Variants in ZNF19 observed in about 807,000 individuals in gnomAD.
The protein encoded by ZNF19 is zinc finger protein 19.
In ZNF19, 11 loss-of-function variants were observed where a neutral mutation model predicts 13.1. The observed-to-expected ratio is 0.84, with a 90% CI of 0.53 to 1.39. The LOEUF (loss-of-function observed/expected upper bound fraction) is 1.39. Among genes scored for constraint, ZNF19 ranks in the 40% most tolerant of loss-of-function variants. ZNF19 has a pLI of 0.00. For synonymous variants in ZNF19, 186 were observed against 187.0 expected (o/e 0.99, Z 0.04); for missense variants, 560 against 547.0 (o/e 1.02, Z -0.24).
chr16:71,483,344 T>A (rs550596206), intron 2 of ZNF19, among the ~76,000 whole-genome samples: 3 of 152,234 alleles, frequency 2.0e-5, no homozygotes, highest in African/African-American at 7.2e-5. Context: ...AAAGCCAGCA[T>A]CTTCCCTACA....
Position 71,475,393 on chromosome 16 carries a change from T to C in ZNF19, c.1154A>G (p.Tyr385Cys), listed in dbSNP as rs778804520. Residue 385 changes from tyrosine to cysteine, a missense_variant, in exon 6 of 6, where the codon TAT (tyrosine) becomes TGT (cysteine). Tyr to Cys is a radical substitution (Grantham distance 194). Transcript: ENST00000288177. The part of the protein sequence containing the change: ...HLRIHTQESS[Y>C]VCDECGKALT... ...GGCTTTTCCACACTCATCACATACA[T>C]AGGAAGACTCCTGAGTATGAATTCT... is the stretch of plus-strand genomic sequence containing the variant. 6.2e-6 allele frequency: 10 copies of C among 1,613,916 alleles called. No individual in the cohort carries two copies. Among genetic ancestry groups the C allele is most frequent in the African/African-American group, 1.3e-5 (1 of 74,862 alleles).
At position 71,474,166 on chromosome 16, in the gene ZNF19, T is replaced by C. The variant is rs2043584715; in HGVS notation, c.*1004A>G. 6.6e-6 allele frequency: 1 copy of C among 152,216 alleles called. No homozygotes were observed. Among genetic ancestry groups the C allele is most frequent in the African/African-American group, 2.4e-5 (1 of 41,464 alleles). 9.4% of individuals were successfully genotyped at this position (152,216 alleles called of 1,614,324 possible). Reference sequence around the variant, plus strand: ...CACCAAAGAAAAGGGCCAGCCCTGTTTTCCTACTGAGAGATCTCTGCAGTG... The same window carrying C: ...CACCAAAGAAAAGGGCCAGCCCTGTCTTCCTACTGAGAGATCTCTGCAGTG... On this transcript the variant is annotated 3_prime_UTR_variant, in exon 6 of 6. Transcript: ENST00000288177.
At position 71,475,456 on chromosome 16, in the gene ZNF19, T is replaced by C. The variant is rs200992094; in HGVS notation, c.1091A>G (p.Lys364Arg). ...EKPFDCVDCGKAFSAQEQLKR... is the reference protein window; with the variant it reads ...EKPFDCVDCGRAFSAQEQLKR... Reference sequence around the variant, plus strand: ...TAATTGTTCCTGAGCACTGAAGGCTTTTCCACAATCTACACAGTCAAAGGG... The same window carrying C: ...TAATTGTTCCTGAGCACTGAAGGCTCTTCCACAATCTACACAGTCAAAGGG... The change falls in exon 6 of 6, where the codon AAA (lysine) becomes AGA (arginine). Residue 364 changes from lysine to arginine, a missense_variant. Coordinates refer to ENST00000288177, the MANE Select transcript of ZNF19 (RefSeq NM_006961.4). The C allele has an allele frequency of 1.9e-6, 3 of 1,612,366 alleles. No individual in the cohort carries two copies. The East Asian group carries it at 6.7e-5, about 36-fold the overall frequency.
chr16:71,475,383 A>T lies in ZNF19; in HGVS notation c.1164T>A (p.Asp388Glu), dbSNP rs764518915. Residue 388 changes from aspartate (D) to glutamate (E), a missense_variant, in exon 6 of 6, where the codon GAT becomes GAA. Asp to Glu is a conservative substitution (Grantham distance 45). Coordinates refer to ENST00000288177, the MANE Select transcript of ZNF19 (RefSeq NM_006961.4). ...TGCTAGTCAAGGCTTTTCCACACTC[A>T]TCACATACATAGGAAGACTCCTGAG... ...IHTQESSYVC[D>E]ECGKALTSKR... The T allele has an allele frequency of 2.9e-5, 47 of 1,613,848 alleles. No individual in the cohort carries two copies. Among genetic ancestry groups the T allele is most frequent in the Non-Finnish European group, 8.5e-7 (1 of 1,180,000 alleles).
Position 71,484,734 on chromosome 16 carries a change from G to T in ZNF19, c.-175C>A, listed in dbSNP as rs1476790624. On this transcript the variant is annotated 5_prime_UTR_variant, in exon 2 of 6. Transcript: ENST00000288177. ...TACTCCCGGGAGGAGTTTCCACCCG[G>T]GGATCCTCAGAGACCTTGAATAGGA... is the stretch of plus-strand genomic sequence containing the variant. The T allele has an allele frequency of 1.0e-6, 1 of 985,294 alleles. No individual in the cohort carries two copies. The highest frequency in any genetic ancestry group is 1.1e-4 in the East Asian group (1 of 8,826). The allele number at this position is 985,294 out of a possible 1,614,324, so 61.0% of individuals were successfully genotyped here.
intron 2 of ZNF19, among the ~76,000 whole-genome samples, chr16:71,484,325 G>C (rs2145172264): frequency 6.6e-6 from 1 of 152,358 alleles, no homozygotes; most frequent in East Asian, 1.9e-4. Flanking sequence ...TGGGGTTTGG[G>C]CGGCGTCGAG....
Position 71,481,820 on chromosome 16 carries a change from G to A in ZNF19, c.33+262C>T, listed in dbSNP as rs940677280. On this transcript the variant is annotated intron_variant, in intron 3 of 5. Coordinates refer to ENST00000288177, the MANE Select transcript of ZNF19 (RefSeq NM_006961.4). ...GTTCTCACAATTCCCTCTGCAGAGG[G>A]ACAGCTACTGAACCTGGGGATCCTC... is the stretch of plus-strand genomic sequence containing the variant. 2.6e-5 allele frequency among the ~76,000 whole-genome samples: 4 copies of A among 152,202 alleles called. No homozygotes were observed. In the East Asian group the frequency reaches 7.7e-4, roughly 29 times the overall value.
chr16:71,476,270 C>T lies in ZNF19; in HGVS notation c.277G>A (p.Val93Ile), dbSNP rs769074179. 6 of 1,608,172 alleles carry T rather than the reference C, an allele frequency of 3.7e-6. No individual in the cohort carries two copies. Among genetic ancestry groups the T allele is most frequent in the Non-Finnish European group, 5.1e-6 (6 of 1,177,228 alleles). Residue 93 changes from valine to isoleucine, a missense_variant and splice_region_variant, in exon 6 of 6, where the codon GTT becomes ATT. Physicochemically the swap from Val to Ile is conservative, Grantham distance 29. Coordinates refer to ENST00000288177, the MANE Select transcript of ZNF19 (RefSeq NM_006961.4). ...GACTCACTGTCAATGTTGGTCTCAA[C>T]ATCTGACATAAGAGATAGAAAACAC... ...AERTKNVCKD[V>I]ETNIDSESTL... is the part of the protein sequence containing the mutation.
Position 71,476,082 on chromosome 16 carries a change from G to C in ZNF19, c.465C>G (p.Pro155=), listed in dbSNP as rs1308665712. ...KNIQGKVPRI[P]CARKPFICEE... ...CACATATGAAAGGTTTCCTTGCACA[G>C]GGGATTCTTGGAACCTTTCCTTGGA... Residue 155 remains proline, a synonymous_variant, in exon 6 of 6, where the codon CCC becomes CCG. Transcript: ENST00000288177. 6.2e-7 allele frequency: 1 copy of C among 1,614,058 alleles called. No homozygotes were observed. Among genetic ancestry groups the C allele is most frequent in the African/African-American group, 1.3e-5 (1 of 74,928 alleles).
chr16:71,482,115 G>T lies in ZNF19; in HGVS notation c.-1C>A. The T allele has an allele frequency of 1.2e-6, 2 of 1,614,132 alleles. No individual in the cohort carries two copies. Among genetic ancestry groups the T allele is most frequent in the Non-Finnish European group, 1.7e-6 (2 of 1,180,008 alleles). ...GAGCTTTCAGAGGCATGGCTGCCAT[G>T]ACCTGGTCTCCCTCTTAGCAGGCAA... is the stretch of plus-strand genomic sequence containing the variant. On this transcript the variant is annotated 5_prime_UTR_variant, in exon 3 of 6. Coordinates refer to ENST00000288177, the MANE Select transcript of ZNF19 (RefSeq NM_006961.4).
At chr16:71,484,469 C>A in intron 2 of ZNF19, 120 bp downstream of exon 2, 1 of 973,652 alleles carries the variant, frequency 1.0e-6, no homozygotes, top group Non-Finnish European at 1.2e-6. Flanking sequence ...GCTCCCCGGT[C>A]CCGGAGGGGC....
intron 2 of ZNF19, among the ~76,000 whole-genome samples, chr16:71,482,704 CTGTTTGTT>C (rs891745313): frequency 1.2e-4 from 18 of 152,048 alleles, no homozygotes; most frequent in African/African-American, 4.3e-4. Context: ...ATGTTTTTGT[CTGTTTGTT>C]TGTTTGTTGA....
In ZNF19 at chr16:71,475,700, CA is replaced by C; in HGVS notation, c.846del (p.Phe282LeufsTer35). The C allele has an allele frequency of 6.2e-7, 1 of 1,612,396 alleles. No homozygotes were observed. On this transcript the variant is annotated frameshift_variant, in exon 6 of 6. Coordinates refer to ENST00000288177, the MANE Select transcript of ZNF19 (RefSeq NM_006961.4). LOFTEE classifies it low-confidence loss of function (END_TRUNC). The part of the protein sequence containing the change: ...PYECNECGKA[F>X]VGNSPLLRHQ... ...TGCCGAAGTAGGGGTGAATTACCAA[CA>C]AAAGCTTTGCCACACTCATTACACT... is the stretch of plus-strand genomic sequence containing the variant.
chr16:71,479,326 T>C (rs1485632674), intron 3 of ZNF19, among the ~76,000 whole-genome samples: 2 of 152,208 alleles, frequency 1.3e-5, no homozygotes, highest in Non-Finnish European at 2.9e-5. Flanking sequence ...ATTTAGTAAA[T>C]ATTTTCAGTC....
rs10500557 is a variant in ZNF19 at position 71,475,876 on chromosome 16, C to T, written c.671G>A (p.Arg224Gln). The stretch of plus-strand genomic sequence containing the variant: ...CAGATTTGCATTATCATTAAAGGCT[C>T]GCCCACACTCCTCACACTGATAGGG... The part of the protein sequence containing the change: ...ERPYQCEECG[R>Q]AFNDNANLIR... Residue 224 changes from arginine (R) to glutamine (Q), a missense_variant, in exon 6 of 6, where the codon CGA becomes CAA. Arg to Gln is a conservative substitution (Grantham distance 43). Coordinates refer to ENST00000288177, the MANE Select transcript of ZNF19 (RefSeq NM_006961.4). 0.027 allele frequency: 44,079 copies of T among 1,612,794 alleles called. 784 individuals are homozygous for T. Among genetic ancestry groups the T allele is most frequent in the Non-Finnish European group, 0.031 (36,099 of 1,179,346 alleles).
Position 71,478,233 on chromosome 16 carries a change from C to T in ZNF19, c.269G>A (p.Cys90Tyr). Residue 90 changes from cysteine to tyrosine, a missense_variant, in exon 5 of 6, where the codon TGT (cysteine) becomes TAT (tyrosine). By Grantham distance (194) the Cys-to-Tyr change is radical. Coordinates refer to ENST00000288177, the MANE Select transcript of ZNF19 (RefSeq NM_006961.4). ...TCTAAATCTGCCTCACCTACCTTTA[C>T]AGACGTTTTTGGTCCTCTCTGCTGG... ...DPPAERTKNV[C>Y]KDVETNIDSE... 3.1e-6 allele frequency: 5 copies of T among 1,612,770 alleles called. No individual in the cohort carries two copies. The highest frequency in any genetic ancestry group is 4.2e-6 in the Non-Finnish European group (5 of 1,178,956).
At chr16:71,481,889 C>T (rs2043639126) in intron 3 of ZNF19, among the ~76,000 whole-genome samples, 193 bp downstream of exon 3, 1 of 152,172 alleles carries the variant, frequency 6.6e-6, no homozygotes, top group Non-Finnish European at 1.5e-5. Context: ...TGTACTTCAG[C>T]TTTCCAGATC....
chr16:71,475,248 A>G lies in ZNF19; in HGVS notation c.1299T>C (p.His433=). The change falls in exon 6 of 6, where the codon CAT becomes CAC. Residue 433 remains histidine, a synonymous_variant. Transcript: ENST00000288177. ...GTSSQLGHLE[H]VYSGEKPVLD... ...GCACAGGCTTCTCTCCAGAGTAGACATGCTCAAGGTGACCTAGCTGGGAAG... is the reference window on the plus strand; with the variant it reads ...GCACAGGCTTCTCTCCAGAGTAGACGTGCTCAAGGTGACCTAGCTGGGAAG... The G allele has an allele frequency of 6.2e-7, 1 of 1,614,200 alleles. No homozygotes were observed. Among genetic ancestry groups the G allele is most frequent in the Non-Finnish European group, 8.5e-7 (1 of 1,180,024 alleles).
Position 71,489,260 on chromosome 16 carries a change from G to A in ZNF19, c.-190+12C>T. The A allele has an allele frequency of 1.0e-6, 1 of 985,602 alleles. No individual in the cohort carries two copies. The highest frequency in any genetic ancestry group is 1.2e-6 in the Non-Finnish European group (1 of 830,046). 61.1% of individuals were successfully genotyped at this position (985,602 alleles called of 1,614,324 possible). ...AAGCTCCGCCCAACTGTGGGTCCTT[G>A]CACTTTGGCACCTTTGAGCGCGGAC... On this transcript the variant is annotated intron_variant, in intron 1 of 5. Transcript: ENST00000288177.
Sources: gnomAD v4.1 joint callset for allele counts (sites outside exome capture counted in the v4.1 genomes callset) on GRCh38, gnomAD v4.1.1 for gene constraint, MANE v1.5 for transcripts, NCBI Gene and HGNC (gene_info 2026-07-23, HGNC 2026-07-21) for gene names.